ACTR1A: variants seen among roughly 807,000 people sequenced by gnomAD.
The protein encoded by ACTR1A is alpha-centractin.
In ACTR1A, 10 loss-of-function variants were observed where a neutral mutation model predicts 50.7. The ratio of observed to expected loss-of-function variants is 0.20; its 90% CI spans 0.12 to 0.33. ACTR1A has a LOEUF of 0.33. Among genes scored for constraint, ACTR1A ranks in the 10% least tolerant of loss-of-function variants. ACTR1A has a pLI of 1.00. For synonymous variants in ACTR1A, 177 were observed against 184.2 expected, an observed-to-expected ratio of 0.96 and a Z score of 0.32; for missense variants, 253 against 491.7, an observed-to-expected ratio of 0.51 and a Z score of 4.59.
Position 102,482,339 on chromosome 10 carries a change from G to A in ACTR1A, c.751-164C>T. 1.5e-6 allele frequency: 1 copy of A among 655,284 alleles called. No individual in the cohort carries two copies. Among genetic ancestry groups the A allele is most frequent in the Non-Finnish European group, 2.6e-6 (1 of 384,236 alleles). The allele number at this position is 655,284 out of a possible 1,614,324, so 40.6% of individuals were successfully genotyped here. A position where few individuals can be genotyped will look rare whatever the true frequency, so the allele number is the denominator to read the frequency against. ...TCAAGGGCTTAAAGGAACAAAGATA[G>A]GCCTCCTGGAAACTAGTGAGGGGAG... On this transcript the variant is annotated intron_variant, in intron 7 of 10. Transcript: ENST00000369905. This position sits in a 1 kb window ranked among gnomAD's most constrained non-coding sequence, Gnocchi z 5.6.
chr10:102,482,550 C>A lies in ACTR1A; in HGVS notation c.751-375G>T. On this transcript the variant is annotated intron_variant, in intron 7 of 10. Coordinates refer to ENST00000369905, the MANE Select transcript of ACTR1A (RefSeq NM_005736.4). This position sits in a 1 kb window ranked among gnomAD's most constrained non-coding sequence, Gnocchi z 5.6. ...AACCATCCCACTTCCTAATCTCATACTGATGTGGGACAATCCCTTAGGAGC... is the reference window on the plus strand; with the variant it reads ...AACCATCCCACTTCCTAATCTCATAATGATGTGGGACAATCCCTTAGGAGC... 3.3e-6 allele frequency: 1 copy of A among 304,200 alleles called. No individual in the cohort carries two copies. The highest frequency in any genetic ancestry group is 8.1e-5 in the East Asian group (1 of 12,378). The allele number at this position is 304,200 out of a possible 1,614,324, so 18.8% of individuals were successfully genotyped here.
chr10:102,483,283 G>A, intron 6 of ACTR1A, 180 bp from the exon 7 acceptor site: 1 of 598,982 alleles, frequency 1.7e-6, no homozygotes, highest in Non-Finnish European at 3.0e-6. Flanking sequence ...TCACTGGGTG[G>A]CATTTAGCAT....
intron 1 of ACTR1A, among the ~76,000 whole-genome samples, chr10:102,497,464 A>G (rs949175463): frequency 6.6e-6 from 1 of 152,032 alleles, no homozygotes; most frequent in African/African-American, 2.4e-5. Flanking sequence ...TGCTCCTCCT[A>G]TACTCCCAGC....
At position 102,482,272 on chromosome 10, in the gene ACTR1A, C is replaced by T. The variant is rs2062147087; in HGVS notation, c.751-97G>A. 1 of 1,231,008 alleles carries T rather than the reference C, an allele frequency of 8.1e-7. No individual in the cohort carries two copies. The highest frequency in any genetic ancestry group is 1.2e-6 in the Non-Finnish European group (1 of 866,162). 76.3% of individuals were successfully genotyped at this position (1,231,008 alleles called of 1,614,324 possible). A position where few individuals can be genotyped will look rare whatever the true frequency, so the allele number is the denominator to read the frequency against. Reference sequence around the variant, plus strand: ...CGCCCCTCTGCACGTCACTTAGTAACTGGGTGGCTATGAAGGCCAGGCTCA... The same window carrying T: ...CGCCCCTCTGCACGTCACTTAGTAATTGGGTGGCTATGAAGGCCAGGCTCA... On this transcript the variant is annotated intron_variant, in intron 7 of 10. Transcript: ENST00000369905. The surrounding 1 kb of genome is among the most constrained non-coding windows in gnomAD (Gnocchi z 5.6).
chr10:102,483,254 GTGAGGTCTCTGT>G (rs1279950893), intron 6 of ACTR1A, 151 bp from the exon 7 acceptor site: 1 of 679,132 alleles, frequency 1.5e-6, no homozygotes, highest in East Asian at 2.6e-5. Context: ...AGCAGGGGCA[GTGAGGTCTCTGT>G]TGGCCTTCAC....
chr10:102,482,195 C>A lies in ACTR1A; in HGVS notation c.751-20G>T, dbSNP rs759283743. 2 of 1,608,148 alleles carry A rather than the reference C, an allele frequency of 1.2e-6. No homozygotes were observed. Among genetic ancestry groups the A allele is most frequent in the Non-Finnish European group, 8.5e-7 (1 of 1,179,852 alleles). On this transcript the variant is annotated intron_variant, in intron 7 of 10. Transcript: ENST00000369905. The surrounding 1 kb of genome is among the most constrained non-coding windows in gnomAD (Gnocchi z 5.6). Reference sequence around the variant, plus strand: ...ACCAATCTGCAGGTAGGAGGGCCAGCTGAAGAGGTCGGAGCTGGGACCAAG... The same window carrying A: ...ACCAATCTGCAGGTAGGAGGGCCAGATGAAGAGGTCGGAGCTGGGACCAAG...
In ACTR1A at chr10:102,480,780, G is replaced by T; in HGVS notation, c.*83C>A. 1 of 1,148,748 alleles carries T rather than the reference G, an allele frequency of 8.7e-7. No individual in the cohort carries two copies. The highest frequency in any genetic ancestry group is 2.3e-5 in the East Asian group (1 of 42,662). 71.2% of individuals were successfully genotyped at this position (1,148,748 alleles called of 1,614,324 possible). A position where few individuals can be genotyped will look rare whatever the true frequency, so the allele number is the denominator to read the frequency against. On this transcript the variant is annotated 3_prime_UTR_variant, in exon 11 of 11. Transcript: ENST00000369905. ...CCACACACGCACTCACACACAGGCA[G>T]TTCCTCGCAAACACTCCGACTCAAG...
rs532237982 is a variant in ACTR1A at position 102,481,828 on chromosome 10, T to A, written c.987+9A>T. On this transcript the variant is annotated intron_variant, in intron 9 of 10. Transcript: ENST00000369905. ...GTTCCACCCAGGCCAGGCCCCACCA[T>A]GCTCCTACCCTGATCTTCACATCTT... 1.2e-4 allele frequency: 200 copies of A among 1,612,090 alleles called. 1 individual carries two copies. The highest frequency in any genetic ancestry group is 1.6e-4 in the Non-Finnish European group (183 of 1,180,002).
At chr10:102,484,792 C>T (rs775219002) in intron 5 of ACTR1A, among the ~76,000 whole-genome samples, 1 of 152,040 alleles carries the variant, frequency 6.6e-6, no homozygotes, top group Non-Finnish European at 1.5e-5. Flanking sequence ...AGGAGAAGAC[C>T]CTGCTTTACT....
chr10:102,485,299 G>A (rs1030968199), intron 5 of ACTR1A, among the ~76,000 whole-genome samples: 2 of 152,192 alleles, frequency 1.3e-5, no homozygotes, highest in African/African-American at 2.4e-5. Context: ...ACATTACGGG[G>A]GCCTCCGGGA....
chr10:102,479,577 G>A lies in ACTR1A; in HGVS notation c.*1286C>T. 1 of 1,285,230 alleles carries A rather than the reference G, an allele frequency of 7.8e-7. No individual in the cohort carries two copies. Among genetic ancestry groups the A allele is most frequent in the Non-Finnish European group, 1.0e-6 (1 of 985,302 alleles). 79.6% of individuals were successfully genotyped at this position (1,285,230 alleles called of 1,614,324 possible). A position where few individuals can be genotyped will look rare whatever the true frequency, so the allele number is the denominator to read the frequency against. On this transcript the variant is annotated 3_prime_UTR_variant, in exon 11 of 11. Coordinates refer to ENST00000369905, the MANE Select transcript of ACTR1A (RefSeq NM_005736.4). This position sits in a 1 kb window ranked among gnomAD's most constrained non-coding sequence, Gnocchi z 4.0. ...TGGACCACTCCTAGGAGTCAGGCCT[G>A]GCTCCATTAGCTCCTGGCACTCTGG...
intron 1 of ACTR1A, among the ~76,000 whole-genome samples, chr10:102,498,242 C>T (rs2062231589): frequency 6.6e-6 from 1 of 151,562 alleles, no homozygotes; most frequent in Non-Finnish European, 1.5e-5. Flanking sequence ...TTTACTAAAT[C>T]TGGGTAGTAG....
At chr10:102,491,085 T>C (rs747433934) in intron 1 of ACTR1A, among the ~76,000 whole-genome samples, 1 of 152,022 alleles carries the variant, frequency 6.6e-6, no homozygotes, top group Admixed American at 6.6e-5. Flanking sequence ...GAAGTGGAAA[T>C]AGGATGGTGA....
At position 102,480,956 on chromosome 10, in the gene ACTR1A, G is replaced by A. The variant is rs764838734; in HGVS notation, c.1038C>T (p.Ile346=). 10 of 1,613,544 alleles carry A rather than the reference G, an allele frequency of 6.2e-6. No homozygotes were observed. In the Middle Eastern group the frequency reaches 8.3e-4, roughly 133 times the overall value. Residue 346 remains isoleucine (I), a synonymous_variant, in exon 11 of 11, where the codon ATC becomes ATT. Transcript: ENST00000369905. ...RLYSTWIGGS[I]LASLDTFKKM... ...TCTTAAAGGTGTCCAGGGAGGCAAG[G>A]ATGGAGCCCCTGGAGGGAGGAAACC...
At chr10:102,501,879 C>T (rs1226085116) in intron 1 of ACTR1A, among the ~76,000 whole-genome samples, 4 of 152,210 alleles carry the variant, frequency 2.6e-5, no homozygotes, top group African/African-American at 9.7e-5. Context: ...AGGAGGACAA[C>T]CTCTCTGCTT....
intron 1 of ACTR1A, among the ~76,000 whole-genome samples, chr10:102,493,506 G>C (rs1412547029): frequency 6.6e-6 from 1 of 152,208 alleles, no homozygotes; most frequent in Non-Finnish European, 1.5e-5. Context: ...TATGAAGTCA[G>C]ATTTGTTTTT....
At chr10:102,489,320 GTAT>G (rs1268444927) in intron 2 of ACTR1A, among the ~76,000 whole-genome samples, 182 bp from the exon 3 acceptor site, 2 of 151,860 alleles carry the variant, frequency 1.3e-5, no homozygotes, top group Non-Finnish European at 2.9e-5. Flanking sequence ...AAATGAACAT[GTAT>G]TATTTATATA....
chr10:102,485,756 C>T, intron 4 of ACTR1A, 23 bp from the exon 5 acceptor site: 1 of 1,612,708 alleles, frequency 6.2e-7, no homozygotes, highest in South Asian at 1.1e-5. Flanking sequence ...GCCCGGGAGA[C>T]AATGAGGCCA....
At position 102,484,420 on chromosome 10, in the gene ACTR1A, G is replaced by A. The variant is rs112214810; in HGVS notation, c.441-44C>T. The A allele has an allele frequency of 1.5e-4, 231 of 1,507,160 alleles. No individual in the cohort carries two copies. The African/African-American group carries it at 2.8e-3, about 18-fold the overall frequency. 93.4% of individuals were successfully genotyped at this position (1,507,160 alleles called of 1,614,324 possible). A position where few individuals can be genotyped will look rare whatever the true frequency, so the allele number is the denominator to read the frequency against. On this transcript the variant is annotated intron_variant, in intron 5 of 10. Transcript: ENST00000369905. ...CCGTCACTCAGCACTGCCTCCTCACGCTGGGAAGAAATACACTTCTTTATT... is the reference window on the plus strand; with the variant it reads ...CCGTCACTCAGCACTGCCTCCTCACACTGGGAAGAAATACACTTCTTTATT...
Sources: allele counts gnomAD v4.1 joint callset (sites outside exome capture counted in the v4.1 genomes callset), GRCh38; gene constraint gnomAD v4.1.1; non-coding constraint Gnocchi (gnomAD v3.1); transcripts MANE v1.5; gene names NCBI Gene and HGNC (gene_info 2026-07-23, HGNC 2026-07-21).